The following PCDHGA1 variants were observed in gnomAD, a reference collection of about 807,000 sequenced individuals.
PCDHGA1 encodes the protein protocadherin gamma-A1.
Under a neutral mutation model 58.0 loss-of-function variants are expected in PCDHGA1, and 32 were observed. That is an observed-to-expected ratio of 0.55 (90% CI 0.42 to 0.74). The LOEUF is 0.74. PCDHGA1 is among the 30% of genes least tolerant of loss of function. The pLI, the probability that PCDHGA1 is intolerant of heterozygous loss-of-function variation, is 0.00. For missense variants in PCDHGA1, 1,205 were observed against 1,182.3 expected, an observed-to-expected ratio of 1.02 and a Z score of -0.28; for synonymous variants, 498 against 501.1, an observed-to-expected ratio of 0.99 and a Z score of 0.08.
Position 141,398,399 on chromosome 5 carries a change from A to G in PCDHGA1, c.2421+65294A>G, listed in dbSNP as rs763282563. 8 of 1,466,584 alleles carry G rather than the reference A, an allele frequency of 5.5e-6. No individual in the cohort carries two copies. In the Admixed American group the frequency reaches 7.2e-5, roughly 13 times the overall value. 90.8% of individuals were successfully genotyped at this position (1,466,584 alleles called of 1,614,324 possible). ...GAGTTGCTTGTGAGCAGCAGGCTAG[A>G]CAGGGAGGAGATATGCGGGAAGAAG... On this transcript the variant is annotated intron_variant, in intron 1 of 3. Coordinates refer to ENST00000517417, the MANE Select transcript of PCDHGA1 (RefSeq NM_018912.3).
chr5:141,380,674 T>G (rs1293551834), intron 1 of PCDHGA1, among the ~76,000 whole-genome samples: 1 of 152,262 alleles, frequency 6.6e-6, no homozygotes, highest in South Asian at 2.1e-4. Flanking sequence ...CCATAGGGTA[T>G]GTATGCTTTG....
intron 1 of PCDHGA1, among the ~76,000 whole-genome samples, chr5:141,488,423 T>C (rs1204233986): frequency 2.0e-5 from 3 of 152,354 alleles, no homozygotes; most frequent in Non-Finnish European, 4.4e-5. Context: ...CCATCCATGC[T>C]TGGCCTCTGA....
intron 1 of PCDHGA1, chr5:141,366,625 G>C: frequency 6.2e-7 from 1 of 1,614,274 alleles, no homozygotes; most frequent in Non-Finnish European, 8.5e-7. Flanking sequence ...ACTCGAGGAA[G>C]AGTCACCTGA....
chr5:141,463,438 CTTTTTTTTTTTTTTT>C (rs71576115), intron 1 of PCDHGA1, among the ~76,000 whole-genome samples: 7 of 103,256 alleles, frequency 6.8e-5, no homozygotes, highest in African/African-American at 3.1e-4. Flanking sequence ...TTTCCTTCTC[CTTTTTTTTTTTTTTT>C]TTTTTTTTTT....
Position 141,431,826 on chromosome 5 carries a change from TTCCCGAAAACTC to T in PCDHGA1, c.2422-62976_2422-62965del, listed in dbSNP as rs755346532. ...GTCCTCACCTCTCTCGCCAGCTCGGTTCCCGAAAACTCTCCCAGAGGGACATTAATTGCCCTT... is the reference window on the plus strand; with the variant it reads ...GTCCTCACCTCTCTCGCCAGCTCGGTTCCCAGAGGGACATTAATTGCCCTT... On this transcript the variant is annotated intron_variant, in intron 1 of 3. Transcript: ENST00000517417. The surrounding 1 kb of genome is among the most constrained non-coding windows in gnomAD (Gnocchi z 4.8). The T allele has an allele frequency of 4.3e-6, 7 of 1,614,102 alleles. No individual in the cohort carries two copies. Among genetic ancestry groups the T allele is most frequent in the Admixed American group, 1.7e-5 (1 of 60,006 alleles).
chr5:141,427,775 G>A (rs768191014), intron 1 of PCDHGA1: 35 of 1,424,948 alleles, frequency 2.5e-5, no homozygotes, highest in Non-Finnish European at 2.9e-5. Context: ...TGGAGCTGCG[G>A]GCACTGTCGT....
chr5:141,390,246 C>T (rs1401463493), intron 1 of PCDHGA1: 5 of 1,613,922 alleles, frequency 3.1e-6, no homozygotes, highest in African/African-American at 1.3e-5. Context: ...GGCCTTATTT[C>T]CACTTTGTAA....
At position 141,415,070 on chromosome 5, in the gene PCDHGA1, C is replaced by G. The variant is rs538474552; in HGVS notation, c.2422-79737C>G. ...GGGGAGCACACGGGCGAGGTGCGCACGGCGCGAGCCCTGCTGGACAGAGAC... is the reference window on the plus strand; with the variant it reads ...GGGGAGCACACGGGCGAGGTGCGCAGGGCGCGAGCCCTGCTGGACAGAGAC... On this transcript the variant is annotated intron_variant, in intron 1 of 3. Coordinates refer to ENST00000517417, the MANE Select transcript of PCDHGA1 (RefSeq NM_018912.3). 26 of 1,613,284 alleles carry G rather than the reference C, an allele frequency of 1.6e-5. No homozygotes were observed. The Middle Eastern group carries it at 1.5e-3, about 92-fold the overall frequency.
At chr5:141,388,703 C>T in intron 1 of PCDHGA1, 1 of 1,613,982 alleles carries the variant, frequency 6.2e-7, no homozygotes, top group Non-Finnish European at 8.5e-7. Context: ...ATGAGGGTGT[C>T]AATGCCGAGA....
At chr5:141,345,006 C>A (rs371882850) in intron 1 of PCDHGA1, 21 of 1,613,844 alleles carry the variant, frequency 1.3e-5, no homozygotes, top group Non-Finnish European at 1.8e-5. Context: ...ACAGGATGGA[C>A]CAGGTCTTCT....
At chr5:141,350,791 G>A (rs1758561516) in intron 1 of PCDHGA1, 4 of 1,613,970 alleles carry the variant, frequency 2.5e-6, no homozygotes, top group Non-Finnish European at 3.4e-6. Flanking sequence ...ACTTCTCTCT[G>A]TCAACGAAGG....
intron 1 of PCDHGA1, chr5:141,399,270 A>G (rs1318152877): frequency 1.2e-6 from 2 of 1,613,854 alleles, no homozygotes; most frequent in African/African-American, 1.3e-5. Flanking sequence ...TTAATTGTCA[A>G]TTACAAGGCG....
chr5:141,407,808 C>T (rs1182707356), intron 1 of PCDHGA1, among the ~76,000 whole-genome samples: 1 of 152,136 alleles, frequency 6.6e-6, no homozygotes, highest in Non-Finnish European at 1.5e-5. Context: ...ATAGAAATAT[C>T]TACTATAATA....
chr5:141,393,851 A>T (rs758721118), intron 1 of PCDHGA1: 2 of 1,613,988 alleles, frequency 1.2e-6, no homozygotes, highest in Non-Finnish European at 1.7e-6. Context: ...ATAGACCAGA[A>T]GTGATCATTA....
intron 1 of PCDHGA1, among the ~76,000 whole-genome samples, chr5:141,461,804 C>A (rs559757409): frequency 1.4e-3 from 212 of 152,036 alleles, no homozygotes; most frequent in African/African-American, 5.0e-3. Context: ...CAGGTGCCCA[C>A]CACCACACCC....
chr5:141,361,966 G>T (rs763102211), intron 1 of PCDHGA1: 1 of 1,601,844 alleles, frequency 6.2e-7, no homozygotes, highest in African/African-American at 1.3e-5. Context: ...CGTGCTGCAG[G>T]CCAGCGAGCC....
intron 1 of PCDHGA1, among the ~76,000 whole-genome samples, chr5:141,348,418 G>A (rs1041467731): frequency 6.6e-6 from 1 of 152,046 alleles, no homozygotes; most frequent in Non-Finnish European, 1.5e-5. Flanking sequence ...AAAAAGGCAC[G>A]TAACTTTTAA....
rs565813908 is a variant in PCDHGA1 at position 141,503,968 on chromosome 5, G to A, written c.2481-1425G>A. Among the ~76,000 whole-genome samples, 14 of 152,182 alleles carry A rather than the reference G, an allele frequency of 9.2e-5. No homozygotes were observed. The South Asian group carries it at 2.7e-3, about 29-fold the overall frequency. ...GGCCTACCCTACAGCCTTTCCCATG[G>A]TGCCAAACCCTTCTTCTTACCTTAC... On this transcript the variant is annotated intron_variant, in intron 2 of 3. Transcript: ENST00000517417.
intron 1 of PCDHGA1, chr5:141,364,663 G>T: frequency 6.2e-7 from 1 of 1,614,042 alleles, no homozygotes; most frequent in Non-Finnish European, 8.5e-7. Flanking sequence ...TCTTGGTTGA[G>T]AACAAAATGA....
Sources: allele counts gnomAD v4.1 joint callset (sites outside exome capture counted in the v4.1 genomes callset), GRCh38; gene constraint gnomAD v4.1.1; non-coding constraint Gnocchi (gnomAD v3.1); transcripts MANE v1.5; gene names NCBI Gene and HGNC (gene_info 2026-07-23, HGNC 2026-07-21).